FRAS1: variants seen among roughly 807,000 people sequenced by gnomAD.
FRAS1 encodes extracellular matrix organizing protein FRAS1.
A neutral mutation model predicts 435.2 loss-of-function variants in FRAS1; 290 were observed. The ratio of observed to expected loss-of-function variants is 0.67; its 90% CI spans 0.61 to 0.73. The LOEUF (loss-of-function observed/expected upper bound fraction) is 0.73. FRAS1 is among the 30% of genes least tolerant of loss of function. The probability of loss-of-function intolerance (pLI) is 0.00; values close to 1 mark genes in which losing one functional copy is unlikely to be tolerated. For synonymous variants in FRAS1, 1,800 were observed against 1,851.0 expected (o/e 0.97, Z 0.71); for missense variants, 4,860 against 5,001.5 (o/e 0.97, Z 0.85).
At chr4:78,308,015 A>T in intron 14 of FRAS1, 51 bp from the exon 15 acceptor site, 1 of 1,530,460 alleles carries the variant, frequency 6.5e-7, no homozygotes, top group Non-Finnish European at 8.8e-7. Flanking sequence ...AAAAATGATG[A>T]CCAGTCCTTT....
chr4:78,111,535 A>G (rs1742693415), intron 2 of FRAS1, among the ~76,000 whole-genome samples: 1 of 77,416 alleles, frequency 1.3e-5, no homozygotes, highest in Admixed American at 1.5e-4. Flanking sequence ...TCTCACTCAT[A>G]GGTGGGAATT....
At chr4:78,194,411 A>G (rs1353904782) in intron 2 of FRAS1, among the ~76,000 whole-genome samples, 2 of 152,126 alleles carry the variant, frequency 1.3e-5, no homozygotes, top group Non-Finnish European at 2.9e-5. Context: ...AGGTACACCA[A>G]TCAGATGTAG....
At chr4:78,531,232 A>T (rs1010709472) in intron 70 of FRAS1, among the ~76,000 whole-genome samples, 2 of 152,142 alleles carry the variant, frequency 1.3e-5, no homozygotes, top group Admixed American at 1.3e-4. Flanking sequence ...GCTTAAGGAG[A>T]TTTGGTGCTG....
At chr4:78,336,271 G>T (rs1730167817) in intron 19 of FRAS1, among the ~76,000 whole-genome samples, 1 of 152,138 alleles carries the variant, frequency 6.6e-6, no homozygotes, top group Non-Finnish European at 1.5e-5. Context: ...AAGCTCAGTG[G>T]GGGAATGTTC....
intron 2 of FRAS1, among the ~76,000 whole-genome samples, chr4:78,196,134 A>T (rs1722801728): frequency 6.6e-6 from 1 of 151,942 alleles, no homozygotes; most frequent in African/African-American, 2.4e-5. Context: ...CAGCCTCCTG[A>T]GTAGCTGGGT....
intron 68 of FRAS1, 56 bp downstream of exon 68, chr4:78,521,686 T>A: frequency 9.3e-7 from 1 of 1,072,334 alleles, no homozygotes; most frequent in Non-Finnish European, 1.4e-6. Flanking sequence ...ATTTCACACA[T>A]ACAGAAAGTT....
At chr4:78,354,023 T>TTAAAAAAAAAAAAAAA (rs1730745728) in intron 20 of FRAS1, among the ~76,000 whole-genome samples, 1 of 105,958 alleles carries the variant, frequency 9.4e-6, no homozygotes, top group Non-Finnish European at 2.2e-5. Flanking sequence ...AAAAATAAAA[T>TTAAAAAAAAAAAAAAA]AAAAAAAAAA....
At chr4:78,235,939 C>A (rs750231909) in intron 2 of FRAS1, among the ~76,000 whole-genome samples, 12 of 152,110 alleles carry the variant, frequency 7.9e-5, no homozygotes, top group Admixed American at 2.6e-4. Flanking sequence ...CACAGTGAGA[C>A]CCTGTTACAA....
At chr4:78,115,512 T>C (rs981116246) in intron 2 of FRAS1, among the ~76,000 whole-genome samples, 2 of 152,336 alleles carry the variant, frequency 1.3e-5, no homozygotes, top group Non-Finnish European at 2.9e-5. Context: ...TCAGAGCCTG[T>C]TATTGATCTA....
intron 18 of FRAS1, chr4:78,319,598 T>C: frequency 3.2e-6 from 1 of 311,992 alleles, no homozygotes; most frequent in Non-Finnish European, 6.5e-6. Context: ...ATCATTAGTT[T>C]GTATTTTTCA....
rs371161505 is a variant in FRAS1, at chr4:78,499,512, A to G, written c.9116-209A>G. On this transcript the variant is annotated intron_variant, in intron 60 of 73. Coordinates refer to ENST00000512123, the MANE Select transcript of FRAS1 (RefSeq NM_025074.7). The stretch of plus-strand genomic sequence containing the variant: ...TTTAATAAGGAACATGTGAGACACA[A>G]CTCCTGCAGAATCACAAATAAATAA... Among the ~76,000 whole-genome samples the G allele has an allele frequency of 2.0e-5, 3 of 152,134 alleles. No individual in the cohort carries two copies. The East Asian group carries it at 5.8e-4, about 29-fold the overall frequency.
At chr4:78,410,617 G>T (rs1733293757) in intron 31 of FRAS1, among the ~76,000 whole-genome samples, 1 of 152,058 alleles carries the variant, frequency 6.6e-6, no homozygotes, top group Non-Finnish European at 1.5e-5. Context: ...CTCCATAGTG[G>T]CAGTGTATCA....
chr4:78,159,786 C>A (rs1346593126), intron 2 of FRAS1, among the ~76,000 whole-genome samples: 1 of 152,122 alleles, frequency 6.6e-6, no homozygotes, highest in African/African-American at 2.4e-5. Flanking sequence ...GAGGCTGAGG[C>A]AGGAGAATCA....
intron 2 of FRAS1, among the ~76,000 whole-genome samples, chr4:78,206,136 G>T (rs1723245166): frequency 6.6e-6 from 1 of 152,116 alleles, no homozygotes; most frequent in South Asian, 2.1e-4. Flanking sequence ...TTAAGATAAG[G>T]ATCTTGAGAT....
intron 59 of FRAS1, among the ~76,000 whole-genome samples, chr4:78,492,594 T>C (rs1052108241): frequency 6.6e-6 from 1 of 152,238 alleles, no homozygotes; most frequent in East Asian, 1.9e-4. Flanking sequence ...GCTAGCCATA[T>C]GCAGAAAACT....
At chr4:78,446,191 A>G in intron 42 of FRAS1, 1 of 998,886 alleles carries the variant, frequency 1.0e-6, no homozygotes, top group South Asian at 4.6e-5. Context: ...GGGAGGGGAA[A>G]GATAAATCTC....
At chr4:78,192,217 A>G (rs1401406878) in intron 2 of FRAS1, among the ~76,000 whole-genome samples, 1 of 152,148 alleles carries the variant, frequency 6.6e-6, no homozygotes, top group Non-Finnish European at 1.5e-5. Context: ...TTTGATGTTC[A>G]TCACGGATAT....
At chr4:78,444,690 A>G (rs1718734864) in intron 41 of FRAS1, among the ~76,000 whole-genome samples, 1 of 151,642 alleles carries the variant, frequency 6.6e-6, no homozygotes, top group Admixed American at 6.6e-5. Flanking sequence ...AAAACAAGAC[A>G]TCTATCATTT....
chr4:78,470,161 T>TCTATTCATAAGTC, intron 51 of FRAS1, 70 bp downstream of exon 51: 1 of 989,992 alleles, frequency 1.0e-6, no homozygotes, highest in South Asian at 1.5e-5. Flanking sequence ...GACAATGACT[T>TCTATTCATAAGTC]ATGAATAGAA....
Sources: gnomAD v4.1 joint callset for allele counts (sites outside exome capture counted in the v4.1 genomes callset) on GRCh38, gnomAD v4.1.1 for gene constraint, MANE v1.5 for transcripts, NCBI Gene and HGNC (gene_info 2026-07-23, HGNC 2026-07-21) for gene names.